Variants in MARCHF5 observed in about 807,000 individuals in gnomAD.
MARCHF5 encodes the protein E3 ubiquitin-protein ligase MARCHF5.
MARCHF5 carries 5 observed loss-of-function variants against 36.5 expected under a neutral mutation model. That is an observed-to-expected ratio of 0.14 (90% CI 0.07 to 0.29). MARCHF5 has a LOEUF of 0.29. MARCHF5 is among the 10% of genes least tolerant of loss of function. The probability of loss-of-function intolerance (pLI) is 1.00; values close to 1 mark genes in which losing one functional copy is unlikely to be tolerated. For missense variants in MARCHF5, 179 were observed against 336.3 expected (o/e 0.53, Z 3.66); for synonymous variants, 103 against 109.9 (o/e 0.94, Z 0.39).
intron 2 of MARCHF5, among the ~76,000 whole-genome samples, chr10:92,339,967 A>G (rs1843558150): frequency 6.6e-6 from 1 of 152,238 alleles, no homozygotes; most frequent in South Asian, 2.1e-4. Context: ...AATAATATTC[A>G]ATTAAATACA....
At chr10:92,314,372 G>A (rs1019319711) in intron 2 of MARCHF5, among the ~76,000 whole-genome samples, 7 of 152,172 alleles carry the variant, frequency 4.6e-5, no homozygotes, top group African/African-American at 1.4e-4. Flanking sequence ...CGCTGGGCAC[G>A]GTGGCTCACG....
Position 92,351,230 on chromosome 10 carries a change from A to T in MARCHF5, c.*23A>T. On this transcript the variant is annotated 3_prime_UTR_variant, in exon 6 of 6. Coordinates refer to ENST00000358935, the MANE Select transcript of MARCHF5 (RefSeq NM_017824.5). ...TAAAACTGACTTCTGGTTGTTCTGC[A>T]GTTCTCTCATCCTTATGAATCTGTT... The T allele has an allele frequency of 7.2e-7, 1 of 1,383,912 alleles. No homozygotes were observed. Among genetic ancestry groups the T allele is most frequent in the Non-Finnish European group, 1.0e-6 (1 of 973,248 alleles). The allele number at this position is 1,383,912 out of a possible 1,614,324, so 85.7% of individuals were successfully genotyped here. A position where few individuals can be genotyped will look rare whatever the true frequency, so the allele number is the denominator to read the frequency against.
chr10:92,308,230 C>T (rs1454311538), intron 1 of MARCHF5, among the ~76,000 whole-genome samples: 7 of 151,922 alleles, frequency 4.6e-5, no homozygotes, highest in South Asian at 2.1e-4. Flanking sequence ...CATGAGCCAC[C>T]GCGCCCAGCC....
chr10:92,350,045 T>G, intron 5 of MARCHF5: 1 of 522,218 alleles, frequency 1.9e-6, no homozygotes, highest in Non-Finnish European at 3.4e-6. Flanking sequence ...AACTATGTTG[T>G]AGGTGCTTTC....
At position 92,340,524 on chromosome 10, in the gene MARCHF5, A is replaced by G. The variant is rs1314904403; in HGVS notation, c.239-149A>G. 7.8e-6 allele frequency: 5 copies of G among 642,554 alleles called. No homozygotes were observed. In the East Asian group the frequency reaches 1.5e-4, roughly 20 times the overall value. 39.8% of individuals were successfully genotyped at this position (642,554 alleles called of 1,614,324 possible). On this transcript the variant is annotated intron_variant, in intron 2 of 5. Transcript: ENST00000358935. Reference sequence around the variant, plus strand: ...AAGTTTGAGGCTGTAGTGAGCTATGATCATGCCACTGCACTATAATCTGGA... The same window carrying G: ...AAGTTTGAGGCTGTAGTGAGCTATGGTCATGCCACTGCACTATAATCTGGA...
intron 2 of MARCHF5, among the ~76,000 whole-genome samples, chr10:92,324,396 C>G (rs567451004): frequency 5.9e-5 from 9 of 152,136 alleles, no homozygotes; most frequent in Non-Finnish European, 1.3e-4. Flanking sequence ...GAGTCTCACT[C>G]TGTTGCCCAG....
chr10:92,353,619 G>C lies in MARCHF5; in HGVS notation c.*2412G>C, dbSNP rs556403508. On this transcript the variant is annotated 3_prime_UTR_variant, in exon 6 of 6. Transcript: ENST00000358935. ...GGCATTGGGGACAAATGAAAGAGAT[G>C]ATGTAGATTTTTCGGATGGGTGGGT... 3.9e-5 allele frequency: 6 copies of C among 152,476 alleles called. No homozygotes were observed. Among genetic ancestry groups the C allele is most frequent in the Non-Finnish European group, 8.8e-5 (6 of 68,022 alleles). The allele number at this position is 152,476 out of a possible 1,614,324, so 9.4% of individuals were successfully genotyped here.
chr10:92,333,003 A>T (rs949623614), intron 2 of MARCHF5, among the ~76,000 whole-genome samples: 2 of 151,932 alleles, frequency 1.3e-5, no homozygotes, highest in African/African-American at 4.8e-5. Context: ...TCTACTAAAA[A>T]TACAAAATTA....
At chr10:92,307,691 A>G (rs1389814963) in intron 1 of MARCHF5, among the ~76,000 whole-genome samples, 1 of 152,102 alleles carries the variant, frequency 6.6e-6, no homozygotes, top group Non-Finnish European at 1.5e-5. Context: ...CCTAGCCAGC[A>G]TGGTGAAACC....
intron 1 of MARCHF5, among the ~76,000 whole-genome samples, chr10:92,302,430 T>C (rs1025070920): frequency 7.5e-6 from 1 of 133,866 alleles, no homozygotes; most frequent in Non-Finnish European, 1.6e-5. Context: ...CACGTAGTTT[T>C]CTTTTTTCTT....
chr10:92,301,965 G>A (rs950037414), intron 1 of MARCHF5, among the ~76,000 whole-genome samples: 2 of 152,142 alleles, frequency 1.3e-5, no homozygotes, highest in Admixed American at 6.5e-5. Flanking sequence ...GGAGGCTGAG[G>A]CAGGAGGATC....
intron 1 of MARCHF5, among the ~76,000 whole-genome samples, chr10:92,307,237 T>C (rs1333214124): frequency 1.4e-5 from 2 of 148,090 alleles, no homozygotes; most frequent in Non-Finnish European, 3.0e-5. Context: ...GCACGTGCCC[T>C]CCCCTCCTTT....
At chr10:92,296,069 A>G (rs6583807) in intron 1 of MARCHF5, among the ~76,000 whole-genome samples, 10,898 of 151,572 alleles carry the variant, frequency 0.072, 1,292 homozygotes, top group African/African-American at 0.25. Context: ...GAGACTGGGT[A>G]TCTCTATGTT....
chr10:92,309,355 T>G (rs1419590734), intron 1 of MARCHF5, among the ~76,000 whole-genome samples: 1 of 152,228 alleles, frequency 6.6e-6, no homozygotes, highest in East Asian at 1.9e-4. Context: ...AGAAACAGAT[T>G]AATGTAGACT....
intron 1 of MARCHF5, among the ~76,000 whole-genome samples, chr10:92,298,978 T>A (rs1026530180): frequency 6.6e-6 from 1 of 151,924 alleles, no homozygotes; most frequent in Non-Finnish European, 1.5e-5. Context: ...TAATTTTTTT[T>A]AAACTTTTTT....
intron 3 of MARCHF5, among the ~76,000 whole-genome samples, chr10:92,346,796 T>G (rs995722946): frequency 1.3e-5 from 2 of 152,082 alleles, no homozygotes; most frequent in African/African-American, 2.4e-5. Flanking sequence ...ACTTCCTTTT[T>G]GTTTCCTTAT....
chr10:92,305,235 G>A (rs902127450), intron 1 of MARCHF5, among the ~76,000 whole-genome samples: 5 of 152,010 alleles, frequency 3.3e-5, no homozygotes, highest in East Asian at 1.9e-4. Flanking sequence ...GTGAAACCCC[G>A]TCTCTTCTGA....
chr10:92,313,453 A>C (rs1843169913), intron 2 of MARCHF5, among the ~76,000 whole-genome samples: 1 of 151,684 alleles, frequency 6.6e-6, no homozygotes, highest in Non-Finnish European at 1.5e-5. Context: ...AAATACAAAA[A>C]AATTAGCCAG....
At chr10:92,337,688 T>C (rs1843520960) in intron 2 of MARCHF5, among the ~76,000 whole-genome samples, 1 of 151,750 alleles carries the variant, frequency 6.6e-6, no homozygotes, top group African/African-American at 2.4e-5. Flanking sequence ...GAGGATCCAG[T>C]AAAGAGTAGG....
Sources: allele counts gnomAD v4.1 joint callset (sites outside exome capture counted in the v4.1 genomes callset), GRCh38; gene constraint gnomAD v4.1.1; transcripts MANE v1.5; gene names NCBI Gene and HGNC (gene_info 2026-07-23, HGNC 2026-07-21).